Variants in RERG observed in about 807,000 individuals in gnomAD.
RERG encodes RAS like estrogen regulated growth inhibitor, also known as ras-related and estrogen-regulated growth inhibitor.
RERG carries 25 observed loss-of-function variants against 23.2 expected under a neutral mutation model. The observed-to-expected ratio is 1.08, with a 90% confidence interval of 0.79 to 1.50. The LOEUF (loss-of-function observed/expected upper bound fraction) is 1.50. Ranked by LOEUF, RERG falls within the 40% of genes most tolerant of loss-of-function variation. The pLI is 0.00. For missense variants in RERG, 253 were observed against 250.1 expected, an observed-to-expected ratio of 1.01 and a Z score of -0.08; for synonymous variants, 81 against 89.1, an observed-to-expected ratio of 0.91 and a Z score of 0.51.
intron 2 of RERG, among the ~76,000 whole-genome samples, chr12:15,211,779 A>C (rs1865369508): frequency 6.6e-6 from 1 of 152,188 alleles, no homozygotes; most frequent in Admixed American, 6.5e-5. Flanking sequence ...AAAACATCAA[A>C]TTATACTCTA....
At chr12:15,143,800 G>C (rs759678823) in intron 2 of RERG, among the ~76,000 whole-genome samples, 2 of 152,280 alleles carry the variant, frequency 1.3e-5, no homozygotes, top group East Asian at 3.9e-4. Context: ...AGGAGTTGGA[G>C]GGATTTGATT....
chr12:15,134,802 A>G lies in RERG; in HGVS notation c.62-13683T>C, dbSNP rs528082126. Among the ~76,000 whole-genome samples the G allele has an allele frequency of 2.0e-5, 3 of 151,972 alleles. 1 individual carries two copies. In the South Asian group the frequency reaches 6.2e-4, roughly 32 times the overall value. On this transcript the variant is annotated intron_variant, in intron 2 of 4. Coordinates refer to ENST00000256953, the MANE Select transcript of RERG (RefSeq NM_032918.3). ...AATTTTTGTATTTTGGTAGAGATGG[A>G]GTTTCACCATGTTGGCCAGGATGGT...
At chr12:15,124,732 A>T (rs1455218108) in intron 2 of RERG, among the ~76,000 whole-genome samples, 2 of 151,868 alleles carry the variant, frequency 1.3e-5, no homozygotes, top group Non-Finnish European at 2.9e-5. Flanking sequence ...AATGCTGGAA[A>T]TTTTTTTTCC....
chr12:15,219,340 C>T (rs1456253294), intron 1 of RERG, among the ~76,000 whole-genome samples: 1 of 152,200 alleles, frequency 6.6e-6, no homozygotes, highest in East Asian at 1.9e-4. Context: ...TTTAAGCTAT[C>T]ATCCTGTACC....
At chr12:15,110,463 CTTTTTTTTTTTTTTT>C (rs869218147) in intron 4 of RERG, among the ~76,000 whole-genome samples, 13 of 73,148 alleles carry the variant, frequency 1.8e-4, no homozygotes, top group South Asian at 1.2e-3. Flanking sequence ...CCATTTTTTT[CTTTTTTTTTTTTTTT>C]TTTTTTTTTT....
chr12:15,136,101 A>C (rs958774735), intron 2 of RERG, among the ~76,000 whole-genome samples: 5 of 151,860 alleles, frequency 3.3e-5, no homozygotes, highest in Admixed American at 6.6e-5. Flanking sequence ...CTCGTTGTCT[A>C]TTTCTTCTTG....
At chr12:15,130,130 C>T (rs1321509337) in intron 2 of RERG, among the ~76,000 whole-genome samples, 2 of 152,144 alleles carry the variant, frequency 1.3e-5, no homozygotes, top group African/African-American at 4.8e-5. Flanking sequence ...ATTCATCTGC[C>T]TATCTATCAT....
rs374626892 is a variant in RERG at position 15,121,072 on chromosome 12, G to A, written c.109C>T (p.Pro37Ser). The A allele has an allele frequency of 1.1e-4, 182 of 1,612,050 alleles. 1 individual carries two copies. The highest frequency in any genetic ancestry group is 8.9e-4 in the South Asian group (81 of 90,940). Residue 37 changes from proline to serine, a missense_variant, in exon 3 of 5, where the codon CCC (proline) becomes TCC (serine). Pro to Ser is a moderately conservative substitution (Grantham distance 74). Transcript: ENST00000256953. ...LTKRFIWEYD[P>S]TLESTYRHQA... The stretch of plus-strand genomic sequence containing the variant: ...ACAAAATTTGACCTACCGAGGGTGG[G>A]ATCATATTCCCAGATGAACCGTTTG...
At chr12:15,134,261 A>C (rs1336323436) in intron 2 of RERG, among the ~76,000 whole-genome samples, 1 of 152,002 alleles carries the variant, frequency 6.6e-6, no homozygotes, top group African/African-American at 2.4e-5. Context: ...ATTTTGAGTT[A>C]ATTTTTGTGA....
chr12:15,113,653 A>G (rs778078698), intron 3 of RERG, among the ~76,000 whole-genome samples: 3 of 151,908 alleles, frequency 2.0e-5, no homozygotes, highest in Non-Finnish European at 2.9e-5. Context: ...AAAAATGAAC[A>G]AAACCATTCA....
chr12:15,121,000 T>C, intron 3 of RERG, 63 bp downstream of exon 3: 1 of 1,191,170 alleles, frequency 8.4e-7, no homozygotes, highest in Admixed American at 1.8e-5. Flanking sequence ...ACAGAAAACA[T>C]TATTCTTTCT....
chr12:15,214,535 TAAAC>T (rs1290442920), intron 2 of RERG, among the ~76,000 whole-genome samples: 3 of 152,262 alleles, frequency 2.0e-5, no homozygotes, highest in Non-Finnish European at 4.4e-5. Flanking sequence ...CTTGCAGACT[TAAAC>T]AAGCAAAAGT....
rs554106454 is a variant in RERG, at chr12:15,204,730, A to T, written c.61+12699T>A. ...GACTCCTATAGCATTTATGGCCTGA[A>T]AAAAATGGCTAAAACTTTGTTATAT... On this transcript the variant is annotated intron_variant, in intron 2 of 4. Coordinates refer to ENST00000256953, the MANE Select transcript of RERG (RefSeq NM_032918.3). Among the ~76,000 whole-genome samples, 30 of 152,026 alleles carry T rather than the reference A, an allele frequency of 2.0e-4. No individual in the cohort carries two copies. The South Asian group carries it at 6.2e-3, about 31-fold the overall frequency.
In RERG at chr12:15,109,079, C is replaced by T; in HGVS notation, c.*31G>A. ...GGGGAACAGAAGGGGAAGAGTGTTT[C>T]CAATTAGTTGGTCCACCTCAGCTGG... On this transcript the variant is annotated 3_prime_UTR_variant, in exon 5 of 5. Coordinates refer to ENST00000256953, the MANE Select transcript of RERG (RefSeq NM_032918.3). 4 of 1,513,720 alleles carry T rather than the reference C, an allele frequency of 2.6e-6. No homozygotes were observed. The highest frequency in any genetic ancestry group is 8.9e-7 in the Non-Finnish European group (1 of 1,129,500). The allele number at this position is 1,513,720 out of a possible 1,614,324, so 93.8% of individuals were successfully genotyped here. A position where few individuals can be genotyped will look rare whatever the true frequency, so the allele number is the denominator to read the frequency against.
At chr12:15,159,051 G>A (rs1244557813) in intron 2 of RERG, among the ~76,000 whole-genome samples, 4 of 152,266 alleles carry the variant, frequency 2.6e-5, no homozygotes, top group South Asian at 2.1e-4. Context: ...GATAATTTCC[G>A]AATGATAGTT....
intron 2 of RERG, among the ~76,000 whole-genome samples, chr12:15,181,000 T>A (rs571515876): frequency 6.6e-6 from 1 of 152,326 alleles, no homozygotes; most frequent in South Asian, 2.1e-4. Flanking sequence ...ACATTCATTT[T>A]TCCAATTGTT....
chr12:15,118,540 C>G (rs1489578752), intron 3 of RERG, among the ~76,000 whole-genome samples: 1 of 152,116 alleles, frequency 6.6e-6, no homozygotes, highest in Non-Finnish European at 1.5e-5. Context: ...ATCTGTGTCT[C>G]CACCCAAATC....
chr12:15,178,887 A>T (rs1341858825), intron 2 of RERG, among the ~76,000 whole-genome samples: 1 of 152,244 alleles, frequency 6.6e-6, no homozygotes, highest in Non-Finnish European at 1.5e-5. Context: ...GTTAAAAATT[A>T]CATCAACTCT....
intron 2 of RERG, among the ~76,000 whole-genome samples, chr12:15,184,583 G>A (rs373317573): frequency 8.5e-5 from 13 of 152,122 alleles, no homozygotes; most frequent in East Asian, 5.8e-4. Flanking sequence ...ACTGAGATCC[G>A]GATCATTATT....
Sources: gnomAD v4.1 joint callset for allele counts (sites outside exome capture counted in the v4.1 genomes callset) on GRCh38, gnomAD v4.1.1 for gene constraint, MANE v1.5 for transcripts, NCBI Gene and HGNC (gene_info 2026-07-23, HGNC 2026-07-21) for gene names.